Variants in TAS2R1 observed in about 807,000 individuals in gnomAD.
TAS2R1 encodes the protein taste receptor type 2 member 1.
For synonymous variants in TAS2R1, 141 were observed against 134.2 expected (o/e 1.05, Z -0.35); for missense variants, 370 against 353.4 (o/e 1.05, Z -0.38).
chr5:9,691,359 C>A (rs893517469), intron 1 of TAS2R1, among the ~76,000 whole-genome samples: 24 of 152,232 alleles, frequency 1.6e-4, no homozygotes, highest in African/African-American at 5.5e-4. Flanking sequence ...CCCGCTGGCA[C>A]CTTCATTTCG....
the TAS2R1 span, among the ~76,000 whole-genome samples, chr5:9,881,613 C>T: frequency 0.04 from 6,062 of 152,276 alleles, 173 homozygotes; most frequent in Non-Finnish European, 0.062. Flanking sequence ...AACTATATTA[C>T]AAGGCTACAG....
At chr5:9,871,255 C>A in the TAS2R1 span, among the ~76,000 whole-genome samples, 1 of 152,156 alleles carries the variant, frequency 6.6e-6, no homozygotes, top group Non-Finnish European at 1.5e-5. Flanking sequence ...AGGATCACCT[C>A]CCCAGACAAT....
the TAS2R1 span, among the ~76,000 whole-genome samples, chr5:9,749,253 A>AGAATGTG: frequency 1.3e-5 from 2 of 152,332 alleles, no homozygotes; most frequent in South Asian, 4.1e-4. Context: ...CTACCCTCGT[A>AGAATGTG]GAATGTGATG....
intron 1 of TAS2R1, among the ~76,000 whole-genome samples, chr5:9,711,300 C>T (rs1377535382): frequency 6.6e-6 from 1 of 152,150 alleles, no homozygotes; most frequent in Non-Finnish European, 1.5e-5. Flanking sequence ...AAAGAAAATA[C>T]AGTATATCCA....
chr5:9,705,538 G>C (rs1364672310), intron 1 of TAS2R1, among the ~76,000 whole-genome samples: 2 of 152,108 alleles, frequency 1.3e-5, no homozygotes, highest in Non-Finnish European at 2.9e-5. Context: ...TGGTGTGTCT[G>C]GGATTGAAGG....
At chr5:9,659,473 CA>C (rs1196730600) in exon 2 of TAS2R1, 2 of 151,872 alleles carry the variant, frequency 1.3e-5, no homozygotes, top group Non-Finnish European at 2.9e-5. Flanking sequence ...GCTGTTTTCC[CA>C]CACCGCAAGG....
chr5:9,741,315 T>C, the TAS2R1 span, among the ~76,000 whole-genome samples: 1 of 151,930 alleles, frequency 6.6e-6, no homozygotes, highest in Admixed American at 6.6e-5. Context: ...AATTAAGAGA[T>C]TTTCTCAAGG....
chr5:9,877,375 G>A, the TAS2R1 span, among the ~76,000 whole-genome samples: 2,903 of 152,244 alleles, frequency 0.019, 77 homozygotes, highest in African/African-American at 0.063. Flanking sequence ...GGAAAGGAAG[G>A]AGAAATATTT....
At chr5:9,887,353 T>C in the TAS2R1 span, among the ~76,000 whole-genome samples, 1 of 152,228 alleles carries the variant, frequency 6.6e-6, no homozygotes, top group Non-Finnish European at 1.5e-5. Flanking sequence ...TATAATGATG[T>C]CAAATGACTT....
chr5:9,778,634 T>TG, the TAS2R1 span, among the ~76,000 whole-genome samples: 1 of 152,260 alleles, frequency 6.6e-6, no homozygotes, highest in African/African-American at 2.4e-5. Flanking sequence ...TGCCAGCACT[T>TG]GCTGCCTCAC....
At chr5:9,643,201 C>G (rs1305197364) in intron 2 of TAS2R1, among the ~76,000 whole-genome samples, 1 of 152,168 alleles carries the variant, frequency 6.6e-6, no homozygotes, top group African/African-American at 2.4e-5. Context: ...ACAATTCCAT[C>G]ACTGTGCAAA....
At chr5:9,637,367 C>G (rs749868266) in intron 2 of TAS2R1, among the ~76,000 whole-genome samples, 19 of 152,066 alleles carry the variant, frequency 1.2e-4, no homozygotes, top group Non-Finnish European at 2.5e-4. Flanking sequence ...AGATTCTTTC[C>G]TTTGTCTTGA....
chr5:9,629,067 G>A lies in TAS2R1; in HGVS notation c.*66C>T. 6.8e-7 allele frequency: 1 copy of A among 1,466,710 alleles called. No individual in the cohort carries two copies. Among genetic ancestry groups the A allele is most frequent in the Non-Finnish European group, 9.1e-7 (1 of 1,101,134 alleles). The allele number at this position is 1,466,710 out of a possible 1,614,324, so 90.9% of individuals were successfully genotyped here. The stretch of plus-strand genomic sequence containing the variant: ...TGAACAGGCTGCTTTGTCTGGCTGA[G>A]GGAAGTGTGGCAGGCATGGGTAAAT... On this transcript the variant is annotated 3_prime_UTR_variant, in exon 1 of 1. Coordinates refer to ENST00000382492, the MANE Select transcript of TAS2R1 (RefSeq NM_019599.3).
the TAS2R1 span, among the ~76,000 whole-genome samples, chr5:9,836,781 A>G: frequency 6.6e-6 from 1 of 152,176 alleles, no homozygotes; most frequent in African/African-American, 2.4e-5. Flanking sequence ...TGCTCCAGGG[A>G]CACAAACACA....
In TAS2R1 at chr5:9,629,331, C is replaced by A; in HGVS notation, c.702G>T (p.Leu234=). The change falls in exon 1 of 1, where the codon CTG becomes CTT. Residue 234 remains leucine (L), a synonymous_variant. Coordinates refer to ENST00000382492, the MANE Select transcript of TAS2R1 (RefSeq NM_019599.3). ...ISALLSILSF[L]ILYFSHCMIK... Reference sequence around the variant, plus strand: ...TCATGCAGTGGGAGAAGTAGAGGATCAGGAAGGACAGGATAGACAGCAACG... The same window carrying A: ...TCATGCAGTGGGAGAAGTAGAGGATAAGGAAGGACAGGATAGACAGCAACG... 6.2e-7 allele frequency: 1 copy of A among 1,613,452 alleles called. No individual in the cohort carries two copies. The highest frequency in any genetic ancestry group is 8.5e-7 in the Non-Finnish European group (1 of 1,179,798).
chr5:9,683,777 T>C (rs543223656), intron 1 of TAS2R1, among the ~76,000 whole-genome samples: 8 of 152,316 alleles, frequency 5.3e-5, no homozygotes, highest in Middle Eastern at 3.4e-3. Context: ...AGCTGGAAAC[T>C]TTCTCTTTCT....
the TAS2R1 span, among the ~76,000 whole-genome samples, chr5:9,890,271 T>C: frequency 1.3e-5 from 2 of 152,304 alleles, no homozygotes; most frequent in East Asian, 3.9e-4. Flanking sequence ...AGCATAAAAC[T>C]TCTGACATTC....
At chr5:9,829,275 CT>C in the TAS2R1 span, among the ~76,000 whole-genome samples, 1 of 152,132 alleles carries the variant, frequency 6.6e-6, no homozygotes, top group Admixed American at 6.6e-5. Context: ...ACTAGCACTT[CT>C]TCTTAATCAT....
the TAS2R1 span, among the ~76,000 whole-genome samples, chr5:9,822,645 A>G: frequency 1.3e-5 from 2 of 152,090 alleles, no homozygotes; most frequent in Admixed American, 6.6e-5. Context: ...CACCGTGCCC[A>G]GCCTGTAATA....
Sources: allele counts gnomAD v4.1 joint callset (sites outside exome capture counted in the v4.1 genomes callset), GRCh38; gene constraint gnomAD v4.1.1; transcripts MANE v1.5; gene names NCBI Gene and HGNC (gene_info 2026-07-23, HGNC 2026-07-21).